AGBL1: variants seen among roughly 807,000 people sequenced by gnomAD.
AGBL1 encodes cytosolic carboxypeptidase 4.
A neutral mutation model predicts 118.9 loss-of-function variants in AGBL1; 130 were observed. That is an observed-to-expected ratio of 1.09 (90% CI 0.95 to 1.26). AGBL1 has a LOEUF of 1.26. Ranked by LOEUF, AGBL1 falls within the 50% of genes most tolerant of loss-of-function variation. AGBL1 has a pLI of 0.00. For missense variants in AGBL1, 1,584 were observed against 1,298.1 expected (o/e 1.22, Z -3.38); for synonymous variants, 555 against 478.9 (o/e 1.16, Z -2.08).
chr15:86,679,452 C>G (rs528158540), intron 22 of AGBL1, among the ~76,000 whole-genome samples: 193 of 152,178 alleles, frequency 1.3e-3, no homozygotes, highest in Middle Eastern at 3.4e-3. Context: ...AGTGAACTCT[C>G]TAGTTATACC....
chr15:86,152,641 C>T (rs1343567367), intron 3 of AGBL1, among the ~76,000 whole-genome samples: 2 of 152,110 alleles, frequency 1.3e-5, no homozygotes, highest in Non-Finnish European at 2.9e-5. Context: ...AAAGCAATGG[C>T]AACAAAAACC....
At chr15:86,124,505 C>T (rs1233360482) in intron 1 of AGBL1, among the ~76,000 whole-genome samples, 7 of 152,020 alleles carry the variant, frequency 4.6e-5, no homozygotes, top group Admixed American at 4.6e-4. Flanking sequence ...ACCTTTGTAA[C>T]TTTTCCTTCA....
chr15:86,323,504 G>A (rs2080136815), intron 17 of AGBL1, among the ~76,000 whole-genome samples: 1 of 151,962 alleles, frequency 6.6e-6, no homozygotes, highest in African/African-American at 2.4e-5. Flanking sequence ...AAATATAAAT[G>A]GTCCATCCAC....
At chr15:86,782,430 T>A (rs1268488584) in intron 22 of AGBL1, among the ~76,000 whole-genome samples, 1 of 152,180 alleles carries the variant, frequency 6.6e-6, no homozygotes, top group African/African-American at 2.4e-5. Flanking sequence ...ACAGTAGGAT[T>A]TTACTATTTC....
intron 23 of AGBL1, among the ~76,000 whole-genome samples, chr15:86,932,595 C>T (rs1386544530): frequency 6.6e-6 from 1 of 152,170 alleles, no homozygotes; most frequent in African/African-American, 2.4e-5. Flanking sequence ...CAGAGACAAT[C>T]AGTTAGGTCA....
At chr15:86,873,244 G>A (rs2079755100) in intron 22 of AGBL1, among the ~76,000 whole-genome samples, 1 of 152,060 alleles carries the variant, frequency 6.6e-6, no homozygotes, top group South Asian at 2.1e-4. Flanking sequence ...GGGAGCAAAG[G>A]CATGTTGGTT....
At chr15:86,480,487 C>T (rs1307933942) in intron 18 of AGBL1, among the ~76,000 whole-genome samples, 3 of 151,808 alleles carry the variant, frequency 2.0e-5, no homozygotes, top group African/African-American at 7.3e-5. Context: ...GAAATTGCAC[C>T]AGAAATGAGT....
chr15:86,238,157 G>A lies in AGBL1; in HGVS notation c.527-9514G>A, dbSNP rs181543822. Among the ~76,000 whole-genome samples the A allele has an allele frequency of 5.3e-5, 8 of 152,182 alleles. No individual in the cohort carries two copies. In the East Asian group the frequency reaches 1.5e-3, roughly 29 times the overall value. On this transcript the variant is annotated intron_variant, in intron 6 of 22. Coordinates refer to ENST00000614907, the MANE Select transcript of AGBL1 (RefSeq NM_001386094.1). ...CTGTTTTGTTTTCTCTGTATCACTT[G>A]TCTCTATGTGAAATTGCCTTGTTTA...
rs1328237375 is a variant in AGBL1, at chr15:86,264,614, C to T, written c.1443C>T (p.Ser481=). 1.2e-6 allele frequency: 2 copies of T among 1,613,758 alleles called. No homozygotes were observed. The highest frequency in any genetic ancestry group is 1.1e-5 in the South Asian group (1 of 91,040). ...TTTTCTGCCCAAGGATGAGTGCCTC[C>T]TTTTCTAATTCCACTAGGACTAGAG... The part of the protein sequence containing the change: ...DAIFCPRMSA[S]FSNSTRTREV... Residue 481 remains serine, a synonymous_variant, in exon 11 of 23, where the codon TCC becomes TCT. Coordinates refer to ENST00000614907, the MANE Select transcript of AGBL1 (RefSeq NM_001386094.1).
intron 10 of AGBL1, among the ~76,000 whole-genome samples, chr15:86,263,858 A>T (rs2142032342): frequency 6.6e-6 from 1 of 152,352 alleles, no homozygotes; most frequent in South Asian, 2.1e-4. Context: ...TTCAGAAAGC[A>T]GAAGGATGGT....
chr15:86,987,914 C>G, intron 23 of AGBL1: 1 of 1,513,812 alleles, frequency 6.6e-7, no homozygotes, highest in South Asian at 1.3e-5. Flanking sequence ...TTTTTAAAAT[C>G]CATCTATAAT....
chr15:87,024,717 T>C (rs1490287547), intron 24 of AGBL1, among the ~76,000 whole-genome samples: 2 of 151,992 alleles, frequency 1.3e-5, no homozygotes, highest in African/African-American at 4.8e-5. Context: ...CTGATGAACA[T>C]AGATGCTAAA....
At chr15:86,300,136 T>C (rs1292753019) in intron 17 of AGBL1, among the ~76,000 whole-genome samples, 1 of 152,150 alleles carries the variant, frequency 6.6e-6, no homozygotes, top group Non-Finnish European at 1.5e-5. Flanking sequence ...TACCCCTCTT[T>C]AGGCTTTGGT....
At chr15:86,430,062 G>T in intron 18 of AGBL1, among the ~76,000 whole-genome samples, 1 of 152,184 alleles carries the variant, frequency 6.6e-6, no homozygotes, top group East Asian at 1.9e-4. Flanking sequence ...GCGAATCAAA[G>T]CATCGTATCA....
intron 22 of AGBL1, among the ~76,000 whole-genome samples, chr15:86,813,154 T>C (rs2078813928): frequency 1.3e-5 from 2 of 151,718 alleles, no homozygotes; most frequent in Admixed American, 1.3e-4. Flanking sequence ...CTCGAACACA[T>C]GGGACCTTCA....
intron 22 of AGBL1, among the ~76,000 whole-genome samples, chr15:86,895,542 A>G (rs2080113486): frequency 6.6e-6 from 1 of 152,024 alleles, no homozygotes; most frequent in South Asian, 2.1e-4. Context: ...AAATAAAGGG[A>G]TTTTTTGAGT....
chr15:86,412,559 A>C (rs2142012208), intron 18 of AGBL1, among the ~76,000 whole-genome samples: 1 of 152,292 alleles, frequency 6.6e-6, no homozygotes, highest in South Asian at 2.1e-4. Flanking sequence ...TGAGTGTGGA[A>C]GGATGAGGTG....
At chr15:86,553,288 C>G (rs1199292450) in intron 20 of AGBL1, among the ~76,000 whole-genome samples, 1 of 152,200 alleles carries the variant, frequency 6.6e-6, no homozygotes, top group African/African-American at 2.4e-5. Context: ...ACTGTGTATA[C>G]TATCAACTCT....
chr15:86,523,773 C>T (rs2083222511), intron 19 of AGBL1, among the ~76,000 whole-genome samples: 1 of 152,184 alleles, frequency 6.6e-6, no homozygotes, highest in Admixed American at 6.5e-5. Flanking sequence ...TCCCAAGCCT[C>T]TAGTACTATA....
Sources: allele counts gnomAD v4.1 joint callset (sites outside exome capture counted in the v4.1 genomes callset), GRCh38; gene constraint gnomAD v4.1.1; transcripts MANE v1.5; gene names NCBI Gene and HGNC (gene_info 2026-07-23, HGNC 2026-07-21).